TRDN: variants seen among roughly 807,000 people sequenced by gnomAD.
The protein encoded by TRDN is triadin.
In TRDN, 161 loss-of-function variants were observed where a neutral mutation model predicts 149.7. The observed-to-expected ratio is 1.08, with a 90% CI of 0.95 to 1.23. The LOEUF is 1.23. Among genes scored for constraint, TRDN ranks in the 50% most tolerant of loss-of-function variants. The pLI, the probability that TRDN is intolerant of heterozygous loss-of-function variation, is 0.00. For synonymous variants in TRDN, 294 were observed against 250.5 expected, an observed-to-expected ratio of 1.17 and a Z score of -1.64; for missense variants, 896 against 823.5, an observed-to-expected ratio of 1.09 and a Z score of -1.08.
At chr6:123,525,684 T>G (rs185725604) in intron 5 of TRDN, among the ~76,000 whole-genome samples, 22 of 152,120 alleles carry the variant, frequency 1.4e-4, no homozygotes, top group African/African-American at 5.3e-4. Context: ...CATGTATCCC[T>G]TGAATCTAAA....
chr6:123,219,792 T>C (rs1775080376), intron 40 of TRDN, among the ~76,000 whole-genome samples: 1 of 151,722 alleles, frequency 6.6e-6, no homozygotes, highest in Non-Finnish European at 1.5e-5. Flanking sequence ...CTCTTCAAGT[T>C]TGTGGAGGTT....
chr6:123,263,404 C>T (rs534690234), intron 33 of TRDN, among the ~76,000 whole-genome samples: 13 of 152,060 alleles, frequency 8.5e-5, no homozygotes, highest in South Asian at 2.1e-4. Context: ...ACCTGCGTAA[C>T]GTAAAAGTAT....
intron 24 of TRDN, among the ~76,000 whole-genome samples, chr6:123,292,002 C>G (rs1485380158): frequency 1.3e-5 from 2 of 152,114 alleles, no homozygotes; most frequent in Non-Finnish European, 2.9e-5. Flanking sequence ...GTTGGTTTTC[C>G]TCAATGGGTA....
intron 8 of TRDN, among the ~76,000 whole-genome samples, chr6:123,501,439 A>C (rs1778696565): frequency 6.6e-6 from 1 of 150,846 alleles, no homozygotes; most frequent in Admixed American, 6.6e-5. Context: ...CTAAGTCATC[A>C]TATAAAATTT....
At chr6:123,364,507 C>A (rs1022198930) in intron 20 of TRDN, among the ~76,000 whole-genome samples, 1 of 152,066 alleles carries the variant, frequency 6.6e-6, no homozygotes, top group Non-Finnish European at 1.5e-5. Context: ...CGTGATGGTG[C>A]GTGCCTGTAG....
intron 38 of TRDN, among the ~76,000 whole-genome samples, chr6:123,244,384 GT>G (rs1421685203): frequency 6.6e-6 from 1 of 152,126 alleles, no homozygotes; most frequent in African/African-American, 2.4e-5. Flanking sequence ...AGAATAACCA[GT>G]TTAGAGAAGA....
At chr6:123,445,129 G>T (rs11154158) in intron 10 of TRDN, 2 of 150,350 alleles carry the variant, frequency 1.3e-5, no homozygotes, top group Non-Finnish European at 1.5e-5. Flanking sequence ...GGTAGAATTT[G>T]GCTGTGAATC....
At chr6:123,493,431 A>G (rs1049168316) in intron 9 of TRDN, among the ~76,000 whole-genome samples, 1 of 152,164 alleles carries the variant, frequency 6.6e-6, no homozygotes, top group East Asian at 1.9e-4. Flanking sequence ...TTAGCTAAAA[A>G]TTTTAAGAAT....
chr6:123,410,266 T>C (rs1773378757), intron 12 of TRDN, among the ~76,000 whole-genome samples: 1 of 152,160 alleles, frequency 6.6e-6, no homozygotes, highest in South Asian at 2.1e-4. Flanking sequence ...CCAAGAGCTG[T>C]GGGCAGATAT....
intron 33 of TRDN, among the ~76,000 whole-genome samples, chr6:123,264,325 A>G (rs1205320010): frequency 6.6e-6 from 1 of 152,098 alleles, no homozygotes; most frequent in Non-Finnish European, 1.5e-5. Context: ...CTTACGGATG[A>G]CTTCGAGAGG....
chr6:123,303,089 G>A (rs1341766771), intron 24 of TRDN, among the ~76,000 whole-genome samples: 2 of 152,022 alleles, frequency 1.3e-5, no homozygotes, highest in African/African-American at 4.8e-5. Context: ...TTTTAAAGAA[G>A]CTGAGACTTA....
chr6:123,354,589 G>T (rs1482899562), intron 20 of TRDN, among the ~76,000 whole-genome samples: 1 of 151,746 alleles, frequency 6.6e-6, no homozygotes, highest in African/African-American at 2.4e-5. Flanking sequence ...ATGTAAGTAA[G>T]GAGTAAAGGG....
chr6:123,552,538 A>G (rs572635894), intron 2 of TRDN, among the ~76,000 whole-genome samples: 6 of 152,262 alleles, frequency 3.9e-5, no homozygotes, highest in African/African-American at 1.4e-4. Flanking sequence ...GTTCAGACTG[A>G]TAGCATTCAA....
At chr6:123,467,072 T>C (rs1467562744) in intron 9 of TRDN, among the ~76,000 whole-genome samples, 1 of 152,252 alleles carries the variant, frequency 6.6e-6, no homozygotes, top group East Asian at 1.9e-4. Flanking sequence ...TGCATACTTA[T>C]TATATACCAG....
chr6:123,597,808 C>T (rs1300808381), intron 1 of TRDN, among the ~76,000 whole-genome samples: 1 of 152,006 alleles, frequency 6.6e-6, no homozygotes, highest in Non-Finnish European at 1.5e-5. Flanking sequence ...TAATTATATA[C>T]ATAATAGACT....
rs66509682 is a variant in TRDN at position 123,548,624 on chromosome 6, TA to T, written c.233-13del. 0.062 allele frequency: 68,146 copies of T among 1,099,836 alleles called. 342 individuals carry two copies. Among genetic ancestry groups the T allele is most frequent in the East Asian group, 0.14 (3,713 of 26,242 alleles). The allele number at this position is 1,099,836 out of a possible 1,614,324, so 68.1% of individuals were successfully genotyped here. On this transcript the variant is annotated splice_polypyrimidine_tract_variant and intron_variant, in intron 2 of 40. Transcript: ENST00000334268. ...GGCAATAGAGCTTGCTAAAAGTAAT[TA>T]AAAAAAAAAAAAAAGAAAAAGTTTG...
chr6:123,278,357 T>C lies in TRDN; in HGVS notation c.1538-10A>G, dbSNP rs746233436. 3.1e-6 allele frequency: 4 copies of C among 1,275,450 alleles called. No homozygotes were observed. The South Asian group carries it at 4.3e-5, about 14-fold the overall frequency. The allele number at this position is 1,275,450 out of a possible 1,614,324, so 79.0% of individuals were successfully genotyped here. A position where few individuals can be genotyped will look rare whatever the true frequency, so the allele number is the denominator to read the frequency against. On this transcript the variant is annotated splice_polypyrimidine_tract_variant and intron_variant, in intron 25 of 40. Transcript: ENST00000334268. ...TTTTTTCCTTGTAGTTCTAAAAATA[T>C]AGATGAACATTAGTAACAATGATTA...
intron 21 of TRDN, among the ~76,000 whole-genome samples, chr6:123,346,512 A>T (rs1780251889): frequency 6.6e-6 from 1 of 151,900 alleles, no homozygotes; most frequent in African/African-American, 2.4e-5. Flanking sequence ...GAGGTCCAAG[A>T]CTCTCAAAAA....
chr6:123,314,492 G>A (rs925783128), intron 24 of TRDN, among the ~76,000 whole-genome samples: 1 of 151,844 alleles, frequency 6.6e-6, no homozygotes, highest in Non-Finnish European at 1.5e-5. Context: ...CTCATCACTA[G>A]GTATATACCC....
Sources: gnomAD v4.1 joint callset for allele counts (sites outside exome capture counted in the v4.1 genomes callset) on GRCh38, gnomAD v4.1.1 for gene constraint, MANE v1.5 for transcripts, NCBI Gene and HGNC (gene_info 2026-07-23, HGNC 2026-07-21) for gene names.